Variants in TP73 observed in about 807,000 individuals in gnomAD.
TP73 encodes the protein tumor protein p73.
Under a neutral mutation model 62.5 loss-of-function variants are expected in TP73, and 25 were observed. That is an observed-to-expected ratio of 0.40 (90% CI 0.29 to 0.56). The LOEUF (loss-of-function observed/expected upper bound fraction) is 0.56, where lower values mean the gene tolerates loss of function less well. Among genes scored for constraint, TP73 ranks in the 20% least tolerant of loss-of-function variants. TP73 has a pLI of 0.46. For missense variants in TP73, 754 were observed against 913.3 expected (o/e 0.83, Z 2.25); for synonymous variants, 423 against 377.5 (o/e 1.12, Z -1.40).
At chr1:3,726,772 G>A (rs948536008) in intron 6 of TP73, among the ~76,000 whole-genome samples, 1 of 149,114 alleles carries the variant, frequency 6.7e-6, no homozygotes, top group Non-Finnish European at 1.5e-5. Context: ...GATATTGAAT[G>A]GATGGGTAGG....
intron 6 of TP73, 22 bp downstream of exon 6, chr1:3,723,491 G>A (rs775178628): frequency 6.4e-7 from 1 of 1,558,524 alleles, no homozygotes; most frequent in Non-Finnish European, 8.8e-7. Context: ...GCCAGGCTGT[G>A]CCCAGGGCCC....
In TP73 at chr1:3,702,138, G is replaced by A. The variant is rs541281773; in HGVS notation, c.187-5411G>A. Among the ~76,000 whole-genome samples, 7 of 152,296 alleles carry A rather than the reference G, an allele frequency of 4.6e-5. No individual in the cohort carries two copies. In the South Asian group the frequency reaches 6.2e-4, roughly 14 times the overall value. ...CATCACCGTCCCCAGCTTGGCCGAC[G>A]GTAGATGCTGGTGCTTGGATTGGGG... On this transcript the variant is annotated intron_variant, in intron 3 of 13. Coordinates refer to ENST00000378295, the MANE Select transcript of TP73 (RefSeq NM_005427.4).
rs1048065971 is a variant in TP73 at position 3,707,790 on chromosome 1, C to T, written c.428C>T (p.Thr143Met). The T allele has an allele frequency of 6.8e-6, 11 of 1,612,314 alleles. No homozygotes were observed. Among genetic ancestry groups the T allele is most frequent in the Non-Finnish European group, 9.3e-6 (11 of 1,179,808 alleles). The change falls in exon 4 of 14, where the codon ACG becomes ATG. Residue 143 changes from threonine (T) to methionine (M), a missense_variant and splice_region_variant. Transcript: ENST00000378295. ...QSSTAKSATW[T>M]YSPLLKKLYC... ...AGCACGGCCAAGTCAGCCACCTGGA[C>T]GGTGAGTTCCCCTAGTCCCTGAGGG...
intron 10 of TP73, 58 bp downstream of exon 10, chr1:3,729,506 A>G (rs1318762667): frequency 6.2e-7 from 1 of 1,608,732 alleles, no homozygotes; most frequent in Non-Finnish European, 8.5e-7. Context: ...TTAACCCCCC[A>G]GGAGAAGGCC....
At chr1:3,683,585 C>T (rs977241094) in intron 3 of TP73, among the ~76,000 whole-genome samples, 7 of 152,200 alleles carry the variant, frequency 4.6e-5, no homozygotes, top group African/African-American at 9.7e-5. Flanking sequence ...ACAGCTGCCT[C>T]GCTCAGTCTC....
In TP73 at chr1:3,701,039, G is replaced by A. The variant is rs1639121576; in HGVS notation, c.187-6510G>A. Among the ~76,000 whole-genome samples the A allele has an allele frequency of 6.6e-6, 1 of 152,218 alleles. No homozygotes were observed. The highest frequency in any genetic ancestry group is 1.5e-5 in the Non-Finnish European group (1 of 68,036). ...CTGGGCACTGTCTGGGCTTGGGGCT[G>A]TGGCCGACATGGCGGGCAGTGGCAC... is the stretch of plus-strand genomic sequence containing the variant. On this transcript the variant is annotated intron_variant, in intron 3 of 13. Coordinates refer to ENST00000378295, the MANE Select transcript of TP73 (RefSeq NM_005427.4). The surrounding 1 kb of genome is among the most constrained non-coding windows in gnomAD (Gnocchi z 4.7).
rs945196349 is a variant in TP73 at position 3,727,989 on chromosome 1, G to A, written c.986-140G>A. The A allele has an allele frequency of 1.1e-4, 128 of 1,160,654 alleles. No individual in the cohort carries two copies. In the Middle Eastern group the frequency reaches 1.5e-3, roughly 14 times the overall value. 71.9% of individuals were successfully genotyped at this position (1,160,654 alleles called of 1,614,324 possible). A position where few individuals can be genotyped will look rare whatever the true frequency, so the allele number is the denominator to read the frequency against. ...CCTGGGTGGCACCGCAGGTTTGCCC[G>A]TCCCTGTGGGTTGCTCACCACCGGA... On this transcript the variant is annotated intron_variant, in intron 8 of 13. Coordinates refer to ENST00000378295, the MANE Select transcript of TP73 (RefSeq NM_005427.4).
At position 3,664,375 on chromosome 1, in the gene TP73, A is replaced by G. The variant is rs368900474; in HGVS notation, c.-34+11734A>G. The stretch of plus-strand genomic sequence containing the variant: ...CTCTAATTGCTCACCTGCTGCTCTG[A>G]GGTGTCAGGCAGGGTTGGGGGTGGC... On this transcript the variant is annotated intron_variant, in intron 1 of 13. Coordinates refer to ENST00000378295, the MANE Select transcript of TP73 (RefSeq NM_005427.4). Among the ~76,000 whole-genome samples, 52 of 152,000 alleles carry G rather than the reference A, an allele frequency of 3.4e-4. No individual in the cohort carries two copies. In the East Asian group the frequency reaches 9.1e-3, roughly 27 times the overall value.
At chr1:3,722,240 C>T in intron 5 of TP73, 33 bp downstream of exon 5, 1 of 1,609,838 alleles carries the variant, frequency 6.2e-7, no homozygotes, top group Non-Finnish European at 8.5e-7. Context: ...CCCACGGTGG[C>T]ACTTTGCCCA....
In TP73 at chr1:3,666,953, G is replaced by A. The variant is rs531863532; in HGVS notation, c.-34+14312G>A. On this transcript the variant is annotated intron_variant, in intron 1 of 13. Coordinates refer to ENST00000378295, the MANE Select transcript of TP73 (RefSeq NM_005427.4). This position sits in a 1 kb window ranked among gnomAD's most constrained non-coding sequence, Gnocchi z 6.4. ...TCTATGTTATTTCCCATGGCAAAGG[G>A]GACCGTGATTCAGCTATTTTGAGAT... Among the ~76,000 whole-genome samples, 2 of 152,296 alleles carry A rather than the reference G, an allele frequency of 1.3e-5. No individual in the cohort carries two copies. The highest frequency in any genetic ancestry group is 6.5e-5 in the Admixed American group (1 of 15,298).
At chr1:3,727,386 TG>T in intron 7 of TP73, 162 bp downstream of exon 7, 1 of 927,626 alleles carries the variant, frequency 1.1e-6, no homozygotes, top group Non-Finnish European at 1.6e-6. Context: ...CTGCAGGGCC[TG>T]CCTGGGCACA....
chr1:3,732,966 G>A lies in TP73; in HGVS notation c.1798G>A (p.Gly600Ser), dbSNP rs767838368. 1.9e-5 allele frequency: 30 copies of A among 1,601,412 alleles called. No homozygotes were observed. The South Asian group carries it at 1.9e-4, about 10-fold the overall frequency. Reference protein sequence around the residue: ...VRHTITIPNRGGPGGGPDEWA... With the variant: ...VRHTITIPNRSGPGGGPDEWA... ...CCACACCATCACCATCCCCAACCGC[G>A]GCGGCCCAGGCGGCGGCCCTGACGA... Residue 600 changes from glycine (G) to serine (S), a missense_variant, in exon 14 of 14, where the codon GGC (glycine) becomes AGC (serine). Transcript: ENST00000378295.
chr1:3,667,048 G>A (rs1645134401), intron 1 of TP73, among the ~76,000 whole-genome samples: 1 of 152,158 alleles, frequency 6.6e-6, no homozygotes, highest in Non-Finnish European at 1.5e-5. Context: ...GGGTGAGAGA[G>A]GGAGCTGATG....
Position 3,729,312 on chromosome 1 carries a change from C to T in TP73, c.1075-15C>T, listed in dbSNP as rs776331141. Reference sequence around the variant, plus strand: ...TCTGGGGCACGTGGGCAGAGATCTGCTCCTCTGTGCTCAGGTGCGAGGCCG... The same window carrying T: ...TCTGGGGCACGTGGGCAGAGATCTGTTCCTCTGTGCTCAGGTGCGAGGCCG... On this transcript the variant is annotated splice_polypyrimidine_tract_variant and intron_variant, in intron 9 of 13. Transcript: ENST00000378295. 2 of 1,612,892 alleles carry T rather than the reference C, an allele frequency of 1.2e-6. No individual in the cohort carries two copies. The highest frequency in any genetic ancestry group is 1.3e-5 in the African/African-American group (1 of 75,072).
intron 3 of TP73, among the ~76,000 whole-genome samples, chr1:3,705,284 C>T (rs1011770046): frequency 6.6e-6 from 1 of 152,256 alleles, no homozygotes; most frequent in African/African-American, 2.4e-5. Context: ...ACTGTACAGA[C>T]ACACTGTTTC....
intron 1 of TP73, among the ~76,000 whole-genome samples, chr1:3,673,828 G>A (rs1212008858): frequency 1.3e-5 from 2 of 152,222 alleles, no homozygotes; most frequent in African/African-American, 4.8e-5. Context: ...ACAGGCAGGG[G>A]ATTTCCAGAG....
At chr1:3,715,295 C>T (rs1196693736) in intron 4 of TP73, among the ~76,000 whole-genome samples, 5 of 152,248 alleles carry the variant, frequency 3.3e-5, no homozygotes, top group Non-Finnish European at 2.9e-5. Context: ...CCCGGGGTGA[C>T]GCCTCTGCAG....
At chr1:3,686,022 A>C (rs1480170748) in intron 3 of TP73, among the ~76,000 whole-genome samples, 1 of 152,212 alleles carries the variant, frequency 6.6e-6, no homozygotes, top group Non-Finnish European at 1.5e-5. Context: ...TTCGTGGCTC[A>C]GGTGGGGGGC....
intron 1 of TP73, among the ~76,000 whole-genome samples, chr1:3,680,815 C>G (rs1195490709): frequency 6.6e-6 from 1 of 152,250 alleles, no homozygotes; most frequent in Non-Finnish European, 1.5e-5. Flanking sequence ...GGGTTTTAGC[C>G]CAGCCCAGGA....
Sources: allele counts gnomAD v4.1 joint callset (sites outside exome capture counted in the v4.1 genomes callset), GRCh38; gene constraint gnomAD v4.1.1; non-coding constraint Gnocchi (gnomAD v3.1); transcripts MANE v1.5; gene names NCBI Gene and HGNC (gene_info 2026-07-23, HGNC 2026-07-21).